KATNB1: variants seen among roughly 807,000 people sequenced by gnomAD.
The protein encoded by KATNB1 is katanin p80 WD40 repeat-containing subunit B1.
In KATNB1, 38 loss-of-function variants were observed where a neutral mutation model predicts 82.3. The observed-to-expected ratio is 0.46, with a 90% CI of 0.36 to 0.61. The LOEUF is 0.61. Among genes scored for constraint, KATNB1 ranks in the 20% least tolerant of loss-of-function variants. The pLI is 0.00. For synonymous variants in KATNB1, 361 were observed against 368.7 expected, an observed-to-expected ratio of 0.98 and a Z score of 0.24; for missense variants, 749 against 915.7, an observed-to-expected ratio of 0.82 and a Z score of 2.35.
At chr16:57,741,869 G>C in intron 3 of KATNB1, 52 bp downstream of exon 3, 1 of 1,569,164 alleles carries the variant, frequency 6.4e-7, no homozygotes. Context: ...GGGAGGGGAC[G>C]GGGACAGGGG....
intron 5 of KATNB1, 63 bp downstream of exon 5, chr16:57,750,990 G>T: frequency 7.4e-7 from 1 of 1,350,144 alleles, no homozygotes; most frequent in Non-Finnish European, 1.1e-6. Flanking sequence ...GCCCGGCCCG[G>T]CCCTCAGTGC....
chr16:57,744,440 C>A lies in KATNB1; in HGVS notation c.218C>A (p.Thr73Asn). Residue 73 changes from threonine to asparagine, a missense_variant, in exon 4 of 20, where the codon ACC becomes AAC. Around this residue, in one of 3 missense-constraint regions of KATNB1, gnomAD observed 247 missense variants for 349.4 expected, o/e 0.71. Coordinates refer to ENST00000379661, the MANE Select transcript of KATNB1 (RefSeq NM_005886.3). ...CCAGTGGAGAGCGTCCGCCTCAACA[C>A]CCCCGAGGAGCTCATCGTGGCCGGC... The part of the protein sequence containing the change: ...TSPVESVRLN[T>N]PEELIVAGSQ... 1 of 1,614,022 alleles carries A rather than the reference C, an allele frequency of 6.2e-7. No individual in the cohort carries two copies. The highest frequency in any genetic ancestry group is 8.5e-7 in the Non-Finnish European group (1 of 1,180,026).
chr16:57,755,815 C>A (rs1555585904), intron 16 of KATNB1, 26 bp from the exon 17 acceptor site: 1 of 1,565,366 alleles, frequency 6.4e-7, no homozygotes, highest in Admixed American at 1.7e-5. Flanking sequence ...CACTGCCCCA[C>A]CCCTGACGGT....
intron 1 of KATNB1, 59 bp from the exon 2 acceptor site, chr16:57,736,919 G>A (rs1159940902): frequency 6.7e-6 from 4 of 598,132 alleles, no homozygotes; most frequent in East Asian, 3.5e-5. Flanking sequence ...GTGATCCAGG[G>A]AGCAACAGCT....
At chr16:57,746,023 G>A (rs936837004) in intron 4 of KATNB1, among the ~76,000 whole-genome samples, 5 of 152,092 alleles carry the variant, frequency 3.3e-5, no homozygotes, top group African/African-American at 7.2e-5. Flanking sequence ...CTGGTCCCAC[G>A]CCGCAACCTT....
chr16:57,754,323 G>A (rs1287641153), intron 13 of KATNB1, among the ~76,000 whole-genome samples: 2 of 152,196 alleles, frequency 1.3e-5, no homozygotes, highest in East Asian at 1.9e-4. Context: ...TGCTGTAGAC[G>A]GGATGATCGG....
intron 4 of KATNB1, among the ~76,000 whole-genome samples, chr16:57,746,847 G>A (rs570509154): frequency 7.2e-4 from 110 of 152,312 alleles, no homozygotes; most frequent in African/African-American, 2.2e-3. Context: ...GGCCAGCACT[G>A]TGAGGTCCAA....
In KATNB1 at chr16:57,752,146, T is replaced by C. The variant is rs7359346; in HGVS notation, c.632+91T>C. Reference sequence around the variant, plus strand: ...TGTCTCTACTGCCGGTCTGTCGCTGTCTGGGGTGTCATACGTCTGATGATC... The same window carrying C: ...TGTCTCTACTGCCGGTCTGTCGCTGCCTGGGGTGTCATACGTCTGATGATC... On this transcript the variant is annotated intron_variant, in intron 8 of 19. Transcript: ENST00000379661. 1.0e-2 allele frequency: 8,221 copies of C among 825,862 alleles called. 200 individuals carry two copies. Among genetic ancestry groups the C allele is most frequent in the Admixed American group, 0.051 (2,573 of 50,536 alleles). 51.2% of individuals were successfully genotyped at this position (825,862 alleles called of 1,614,324 possible). A position where few individuals can be genotyped will look rare whatever the true frequency, so the allele number is the denominator to read the frequency against.
intron 2 of KATNB1, 93 bp from the exon 3 acceptor site, chr16:57,741,594 G>C (rs1267390461): frequency 7.1e-7 from 1 of 1,407,888 alleles, no homozygotes. Context: ...CTGGGCTTCA[G>C]GTTCCAAAGC....
rs782277537 is a variant in KATNB1, at chr16:57,756,840, A to G, written c.1862A>G (p.Lys621Arg). ...ERLHKCRLCYKQLKSISGLVK... is the reference protein window; with the variant it reads ...ERLHKCRLCYRQLKSISGLVK... ...CTGCATAAGTGCCGGCTCTGCTACAAGCAGCTTAAGAGCATCAGCGGCCTG... is the reference window on the plus strand; with the variant it reads ...CTGCATAAGTGCCGGCTCTGCTACAGGCAGCTTAAGAGCATCAGCGGCCTG... Residue 621 changes from lysine (K) to arginine (R), a missense_variant, in exon 20 of 20, where the codon AAG becomes AGG. Coordinates refer to ENST00000379661, the MANE Select transcript of KATNB1 (RefSeq NM_005886.3). The G allele has an allele frequency of 6.3e-7, 1 of 1,575,828 alleles. No individual in the cohort carries two copies. The highest frequency in any genetic ancestry group is 2.3e-5 in the East Asian group (1 of 43,272).
Position 57,755,948 on chromosome 16 carries a change from G to A in KATNB1, c.1643+31G>A, listed in dbSNP as rs565893070. ...TGGCTGCAGAGGGGGAGTGGGCGGA[G>A]GGGCAGGGCTGGGCTGATGGCAGCA... On this transcript the variant is annotated intron_variant, in intron 17 of 19. Transcript: ENST00000379661. 10 of 1,608,770 alleles carry A rather than the reference G, an allele frequency of 6.2e-6. No homozygotes were observed. The African/African-American group carries it at 9.3e-5, about 15-fold the overall frequency.
intron 4 of KATNB1, among the ~76,000 whole-genome samples, chr16:57,750,485 G>T (rs2049217881): frequency 6.6e-6 from 1 of 152,136 alleles, no homozygotes; most frequent in Non-Finnish European, 1.5e-5. Context: ...AATTAGCCGG[G>T]TGTGGTGGCA....
chr16:57,751,386 G>C lies in KATNB1; in HGVS notation c.432+84G>C. 1 of 1,361,664 alleles carries C rather than the reference G, an allele frequency of 7.3e-7. No homozygotes were observed. Among genetic ancestry groups the C allele is most frequent in the South Asian group, 1.2e-5 (1 of 85,740 alleles). The allele number at this position is 1,361,664 out of a possible 1,614,324, so 84.3% of individuals were successfully genotyped here. On this transcript the variant is annotated intron_variant, in intron 6 of 19. Coordinates refer to ENST00000379661, the MANE Select transcript of KATNB1 (RefSeq NM_005886.3). The surrounding 1 kb of genome is among the most constrained non-coding windows in gnomAD (Gnocchi z 6.3). ...GGTGCCCAGACCCCAGCAGGGGGTG[G>C]AGGGGACGGCTGTCCCACATGGGTG... is the stretch of plus-strand genomic sequence containing the variant.
Position 57,751,064 on chromosome 16 carries a change from C to T in KATNB1, c.390+137C>T, listed in dbSNP as rs925878124. The T allele has an allele frequency of 2.6e-5, 22 of 846,786 alleles. No homozygotes were observed. The highest frequency in any genetic ancestry group is 3.1e-5 in the Non-Finnish European group (16 of 515,180). 52.5% of individuals were successfully genotyped at this position (846,786 alleles called of 1,614,324 possible). Reference sequence around the variant, plus strand: ...CACATCCACACCATCCTAGGGAAAGCGGGTGGCAGGCATCTATCTGCCAGA... The same window carrying T: ...CACATCCACACCATCCTAGGGAAAGTGGGTGGCAGGCATCTATCTGCCAGA... On this transcript the variant is annotated intron_variant, in intron 5 of 19. Transcript: ENST00000379661. This position sits in a 1 kb window ranked among gnomAD's most constrained non-coding sequence, Gnocchi z 6.3.
intron 2 of KATNB1, among the ~76,000 whole-genome samples, chr16:57,739,344 G>A (rs1405318247): frequency 1.3e-5 from 2 of 152,152 alleles, no homozygotes; most frequent in African/African-American, 4.8e-5. Flanking sequence ...TCAGAGGTGC[G>A]TGGCCCACAT....
intron 13 of KATNB1, among the ~76,000 whole-genome samples, chr16:57,754,241 G>C (rs1043447584): frequency 2.6e-5 from 4 of 152,112 alleles, no homozygotes; most frequent in Non-Finnish European, 5.9e-5. Flanking sequence ...CACCACACTG[G>C]GGGGCCTGCC....
chr16:57,751,188 G>A lies in KATNB1; in HGVS notation c.391-73G>A, dbSNP rs189877736. 3.4e-4 allele frequency: 491 copies of A among 1,452,178 alleles called. 3 individuals carry two copies. The African/African-American group carries it at 5.0e-3, about 15-fold the overall frequency. 90.0% of individuals were successfully genotyped at this position (1,452,178 alleles called of 1,614,324 possible). ...AGGCTGGGCCCCACCGTCTGCTCACGACTGCACACCTTCCTCCAGTCGTGG... is the reference window on the plus strand; with the variant it reads ...AGGCTGGGCCCCACCGTCTGCTCACAACTGCACACCTTCCTCCAGTCGTGG... On this transcript the variant is annotated intron_variant, in intron 5 of 19. Coordinates refer to ENST00000379661, the MANE Select transcript of KATNB1 (RefSeq NM_005886.3). This position sits in a 1 kb window ranked among gnomAD's most constrained non-coding sequence, Gnocchi z 6.3.
At chr16:57,741,880 T>C in intron 3 of KATNB1, 63 bp downstream of exon 3, 4 of 1,543,620 alleles carry the variant, frequency 2.6e-6, no homozygotes, top group Non-Finnish European at 3.5e-6. Flanking sequence ...GGGACAGGGG[T>C]TGGAGGCTGA....
At chr16:57,750,802 C>T in intron 4 of KATNB1, 25 bp from the exon 5 acceptor site, 1 of 1,596,298 alleles carries the variant, frequency 6.3e-7, no homozygotes, top group Non-Finnish European at 8.6e-7. Context: ...CTCTTAGCCA[C>T]TGTCTCTGCT....
Sources: allele counts gnomAD v4.1 joint callset (sites outside exome capture counted in the v4.1 genomes callset), GRCh38; gene constraint gnomAD v4.1.1; regional missense constraint gnomAD v4.1.1; non-coding constraint Gnocchi (gnomAD v3.1); transcripts MANE v1.5; gene names NCBI Gene and HGNC (gene_info 2026-07-23, HGNC 2026-07-21).